Variants in PALM2AKAP2 observed in about 807,000 individuals in gnomAD.
PALM2AKAP2 encodes the protein PALM2 and AKAP2 fusion.
PALM2AKAP2 carries 37 observed loss-of-function variants against 71.5 expected under a neutral mutation model. The ratio of observed to expected loss-of-function variants is 0.52; its 90% CI spans 0.40 to 0.68. The LOEUF is 0.68. PALM2AKAP2 is among the 30% of genes least tolerant of loss of function. PALM2AKAP2 has a pLI of 0.00. For synonymous variants in PALM2AKAP2, 468 were observed against 478.8 expected (o/e 0.98, Z 0.29); for missense variants, 1,224 against 1,191.8 (o/e 1.03, Z -0.40).
chr9:109,773,285 G>A (rs970654596), intron 1 of PALM2AKAP2, among the ~76,000 whole-genome samples: 2 of 152,038 alleles, frequency 1.3e-5, no homozygotes, highest in African/African-American at 4.8e-5. Flanking sequence ...ACAACCATAT[G>A]CTGCCACACC....
intron 3 of PALM2AKAP2, among the ~76,000 whole-genome samples, chr9:109,887,035 A>T (rs1829980535): frequency 6.6e-6 from 1 of 152,182 alleles, no homozygotes. Flanking sequence ...TCCACATTGG[A>T]CCTGTGATTC....
intron 2 of PALM2AKAP2, among the ~76,000 whole-genome samples, chr9:110,145,891 C>CTTTTTTTTTTT (rs61137720): frequency 4.7e-5 from 3 of 64,454 alleles, no homozygotes; most frequent in African/African-American, 1.3e-4. Context: ...CCTCACTCTT[C>CTTTTTTTTTTT]TTTTTTTTTT....
chr9:109,711,856 C>T (rs1253374056), intron 1 of PALM2AKAP2, among the ~76,000 whole-genome samples: 4 of 152,210 alleles, frequency 2.6e-5, no homozygotes, highest in Admixed American at 6.5e-5. Flanking sequence ...TGGGATCTTC[C>T]ATTTCTTTCA....
At chr9:110,166,485 A>T (rs1222699318) in intron 3 of PALM2AKAP2, among the ~76,000 whole-genome samples, 1 of 152,240 alleles carries the variant, frequency 6.6e-6, no homozygotes, top group Admixed American at 6.5e-5. Context: ...TTTCAGTTCC[A>T]TGCTACCACA....
At chr9:109,923,661 AG>A in intron 3 of PALM2AKAP2, 73 bp from the exon 4 acceptor site, 1 of 1,467,390 alleles carries the variant, frequency 6.8e-7, no homozygotes, top group Non-Finnish European at 9.1e-7. Flanking sequence ...ATCGCCCAAC[AG>A]GAAGGAGCTG....
In PALM2AKAP2 at chr9:109,841,526, AAG is replaced by A. The variant is rs1200759584; in HGVS notation, c.46-25963_46-25962del. 1.6e-3 allele frequency among the ~76,000 whole-genome samples: 152 copies of A among 96,080 alleles called. 2 individuals carry two copies. Among genetic ancestry groups the A allele is most frequent in the South Asian group, 7.6e-3 (17 of 2,246 alleles). 63.0% of individuals were successfully genotyped at this position (96,080 alleles called of 152,430 possible). A position where few individuals can be genotyped will look rare whatever the true frequency, so the allele number is the denominator to read the frequency against. ...AACTTAAAGTATAATAAAAAAAAAA[AAG>A]AAAAAGGGTGGAGAGATGGAGGGGA... On this transcript the variant is annotated intron_variant, in intron 1 of 9. Coordinates refer to the PALM2AKAP2 transcript ENST00000302798.
At chr9:110,171,020 T>C (rs891100963) in exon 4 of PALM2AKAP2, 2 of 152,300 alleles carry the variant, frequency 1.3e-5, no homozygotes, top group Admixed American at 1.3e-4. Context: ...CTCATGGATC[T>C]GGTAGAGACC....
intron 1 of PALM2AKAP2, among the ~76,000 whole-genome samples, chr9:109,683,768 G>T (rs1255203839): frequency 1.3e-5 from 2 of 151,984 alleles, no homozygotes; most frequent in Non-Finnish European, 2.9e-5. Context: ...CTATGATGCT[G>T]GTAGGTTAGA....
At chr9:110,084,859 C>T (rs1834529792) in intron 1 of PALM2AKAP2, among the ~76,000 whole-genome samples, 1 of 152,140 alleles carries the variant, frequency 6.6e-6, no homozygotes, top group South Asian at 2.1e-4. Context: ...CCTCAACCTC[C>T]CGAGTAGCTG....
At chr9:110,119,213 G>A (rs555141412) in intron 1 of PALM2AKAP2, among the ~76,000 whole-genome samples, 86 of 151,888 alleles carry the variant, frequency 5.7e-4, no homozygotes, top group African/African-American at 1.9e-3. Context: ...TGTGGTGGTG[G>A]GCGCCTGTAG....
intron 7 of PALM2AKAP2, among the ~76,000 whole-genome samples, chr9:110,035,595 AG>A (rs1326748883): frequency 1.4e-5 from 2 of 141,302 alleles, no homozygotes; most frequent in African/African-American, 5.3e-5. Flanking sequence ...TAACATATAT[AG>A]GATATGTTGT....
intron 6 of PALM2AKAP2, among the ~76,000 whole-genome samples, chr9:109,965,673 G>A (rs1290522394): frequency 6.6e-6 from 1 of 152,202 alleles, no homozygotes; most frequent in East Asian, 1.9e-4. Context: ...TTGCACAACA[G>A]TGTGAATGTA....
At chr9:109,783,579 A>G (rs1046624725) in intron 1 of PALM2AKAP2, among the ~76,000 whole-genome samples, 11 of 152,198 alleles carry the variant, frequency 7.2e-5, no homozygotes, top group African/African-American at 2.7e-4. Flanking sequence ...GTTTAGAGAC[A>G]TGAGCCACTA....
Position 109,922,904 on chromosome 9 carries a change from G to A in PALM2AKAP2, c.258-831G>A, listed in dbSNP as rs572443444. Among the ~76,000 whole-genome samples, 11 of 152,232 alleles carry A rather than the reference G, an allele frequency of 7.2e-5. No homozygotes were observed. In the East Asian group the frequency reaches 2.1e-3, roughly 29 times the overall value. On this transcript the variant is annotated intron_variant, in intron 3 of 9. Coordinates refer to the PALM2AKAP2 transcript ENST00000302798. Reference sequence around the variant, plus strand: ...CTTGCCAAGCCCTACTGATCTCATCGGTAAAATGGGGATTCCCTACTCACA... The same window carrying A: ...CTTGCCAAGCCCTACTGATCTCATCAGTAAAATGGGGATTCCCTACTCACA...
rs185447753 is a variant in PALM2AKAP2, at chr9:110,016,745, A to G, written c.582+706A>G. 1.8e-3 allele frequency among the ~76,000 whole-genome samples: 280 copies of G among 152,346 alleles called. 2 individuals are homozygous for G. Among genetic ancestry groups the G allele is most frequent in the Middle Eastern group, 6.8e-3 (2 of 294 alleles). On this transcript the variant is annotated intron_variant, in intron 7 of 9. Transcript: ENST00000302798. ...TCTCTTAGAACTCTGCTAACATATTAGTTAACAAAGGATGGGGGTGGGAGG... is the reference window on the plus strand; with the variant it reads ...TCTCTTAGAACTCTGCTAACATATTGGTTAACAAAGGATGGGGGTGGGAGG...
chr9:109,963,908 G>A (rs531422441), intron 6 of PALM2AKAP2, among the ~76,000 whole-genome samples: 1 of 152,312 alleles, frequency 6.6e-6, no homozygotes, highest in African/African-American at 2.4e-5. Context: ...CCATGGGTGT[G>A]CAAGGCCTCT....
At position 109,664,194 on chromosome 9, in the gene PALM2AKAP2, T is replaced by C. The variant is rs868009399; in HGVS notation, c.5+23328T>C. Among the ~76,000 whole-genome samples, 7 of 152,290 alleles carry C rather than the reference T, an allele frequency of 4.6e-5. No individual in the cohort carries two copies. In the Middle Eastern group the frequency reaches 0.017, roughly 370 times the overall value. On this transcript the variant is annotated intron_variant, in intron 1 of 6. Transcript: ENST00000374531. Reference sequence around the variant, plus strand: ...GGGCATTTAGCCCATTTACATTTAATGTTAATATTGTTATGTGTGTATTTG... The same window carrying C: ...GGGCATTTAGCCCATTTACATTTAACGTTAATATTGTTATGTGTGTATTTG...
intron 1 of PALM2AKAP2, among the ~76,000 whole-genome samples, chr9:110,117,594 G>T (rs1392479604): frequency 6.6e-6 from 1 of 152,156 alleles, no homozygotes; most frequent in Non-Finnish European, 1.5e-5. Context: ...AAAGAATAGA[G>T]ATTTGGTTCT....
chr9:109,898,221 G>A (rs1042009574), intron 3 of PALM2AKAP2, among the ~76,000 whole-genome samples: 6 of 152,204 alleles, frequency 3.9e-5, no homozygotes, highest in Non-Finnish European at 5.9e-5. Context: ...CCTTGCAACA[G>A]TTGTACTCTG....
Sources: gnomAD v4.1 joint callset for allele counts (sites outside exome capture counted in the v4.1 genomes callset) on GRCh38, gnomAD v4.1.1 for gene constraint, MANE v1.5 for transcripts, NCBI Gene and HGNC (gene_info 2026-07-23, HGNC 2026-07-21) for gene names.